Variants in WNT8A observed in about 807,000 individuals in gnomAD.
The protein encoded by WNT8A is Wnt family member 8A.
A neutral mutation model predicts 20.5 loss-of-function variants in WNT8A; 14 were observed. The observed-to-expected ratio is 0.68, with a 90% CI of 0.45 to 1.07. The LOEUF (loss-of-function observed/expected upper bound fraction) is 1.07. Ranked by LOEUF, WNT8A falls within the 50% of genes least tolerant of loss-of-function variation. The probability of loss-of-function intolerance (pLI) is 0.00; values close to 1 mark genes in which losing one functional copy is unlikely to be tolerated. For missense variants in WNT8A, 397 were observed against 462.9 expected, an observed-to-expected ratio of 0.86 and a Z score of 1.31; for synonymous variants, 167 against 169.2, an observed-to-expected ratio of 0.99 and a Z score of 0.10.
Position 138,090,665 on chromosome 5 carries a change from G to A in WNT8A, c.702G>A (p.Leu234=). The part of the protein sequence containing the change: ...DYLKAKYDQA[L]KIEMDKRQLR... ...TAAAGGCCAAGTATGACCAGGCGCT[G>A]AAAATTGAAATGGATAAGCGGCAGC... Residue 234 remains leucine (L), a synonymous_variant, in exon 5 of 5, where the codon CTG becomes CTA. Coordinates refer to ENST00000506684, the MANE Select transcript of WNT8A (RefSeq NM_001300939.2). 1.2e-6 allele frequency: 2 copies of A among 1,614,244 alleles called. No individual in the cohort carries two copies. Among genetic ancestry groups the A allele is most frequent in the Non-Finnish European group, 1.7e-6 (2 of 1,180,040 alleles).
chr5:138,089,439 C>A (rs1308503087), intron 4 of WNT8A, among the ~76,000 whole-genome samples: 2 of 152,132 alleles, frequency 1.3e-5, no homozygotes, highest in Non-Finnish European at 2.9e-5. Flanking sequence ...TGTTGTCCAG[C>A]CTTGTGTCCT....
chr5:138,091,312 A>C lies in WNT8A; in HGVS notation c.*239A>C. The C allele has an allele frequency of 6.6e-7, 1 of 1,523,258 alleles. No individual in the cohort carries two copies. The highest frequency in any genetic ancestry group is 8.8e-7 in the Non-Finnish European group (1 of 1,133,278). 94.4% of individuals were successfully genotyped at this position (1,523,258 alleles called of 1,614,324 possible). A position where few individuals can be genotyped will look rare whatever the true frequency, so the allele number is the denominator to read the frequency against. ...CAGACCCCCATTTCATCTTTCCTGCAAACTACTTTCCCATCTTTGTGCCTG... is the reference window on the plus strand; with the variant it reads ...CAGACCCCCATTTCATCTTTCCTGCCAACTACTTTCCCATCTTTGTGCCTG... On this transcript the variant is annotated 3_prime_UTR_variant, in exon 5 of 5. Transcript: ENST00000506684.
intron 2 of WNT8A, among the ~76,000 whole-genome samples, chr5:138,085,116 G>A (rs1750618151): frequency 6.6e-6 from 1 of 151,972 alleles, no homozygotes; most frequent in Non-Finnish European, 1.5e-5. Flanking sequence ...TGTATTTTTA[G>A]TAGAGATGGG....
chr5:138,080,446 T>TTTTTTG (rs1379766802), upstream of WNT8A, among the ~76,000 whole-genome samples: 1 of 93,158 alleles, frequency 1.1e-5, no homozygotes, highest in African/African-American at 4.1e-5. Flanking sequence ...TAAATCTTGT[T>TTTTTTG]TTTTTTTTTT....
At chr5:138,080,444 G>GTTTTTTTTTTTT (rs371833243), upstream of WNT8A, among the ~76,000 whole-genome samples, 42 of 55,988 alleles carry the variant, frequency 7.5e-4, 2 homozygotes, top group Admixed American at 1.5e-3. Context: ...TGTAAATCTT[G>GTTTTTTTTTTTT]TTTTTTTTTT....
At chr5:138,079,334 A>ATT (rs1750446526), upstream of WNT8A, among the ~76,000 whole-genome samples, 1 of 141,492 alleles carries the variant, frequency 7.1e-6, no homozygotes, top group Admixed American at 7.1e-5. Flanking sequence ...TTAATTATAT[A>ATT]ATAATTATAT....
intron 2 of WNT8A, 93 bp downstream of exon 2, chr5:138,084,729 G>A (rs1347931259): frequency 7.2e-7 from 1 of 1,395,532 alleles, no homozygotes; most frequent in Non-Finnish European, 9.4e-7. Flanking sequence ...GTATTGCACA[G>A]TGAAATAAAA....
At chr5:138,082,978 G>A (rs1339379033), upstream of WNT8A, among the ~76,000 whole-genome samples, 1 of 151,940 alleles carries the variant, frequency 6.6e-6, no homozygotes, top group Non-Finnish European at 1.5e-5. Flanking sequence ...TAACAAAGTA[G>A]TATCAGAAAG....
upstream of WNT8A, among the ~76,000 whole-genome samples, chr5:138,081,908 C>T (rs548015248): frequency 2.0e-5 from 3 of 152,186 alleles, no homozygotes; most frequent in East Asian, 5.8e-4. Flanking sequence ...GTTTGCAGAC[C>T]GACGCCAAGC....
chr5:138,091,682 T>C (rs1368574977), downstream of WNT8A: 1 of 432,116 alleles, frequency 2.3e-6, no homozygotes, highest in Admixed American at 3.9e-5. Flanking sequence ...AAAAATTAGC[T>C]AGGTGTGGTG....
At chr5:138,083,333 G>A (rs1055407786), upstream of WNT8A, among the ~76,000 whole-genome samples, 5 of 151,798 alleles carry the variant, frequency 3.3e-5, no homozygotes, top group African/African-American at 1.2e-4. Context: ...TATAACCCTG[G>A]GTGGCCCTAA....
Position 138,086,238 on chromosome 5 carries a change from G to T in WNT8A, c.296-1568G>T, listed in dbSNP as rs115891026. Among the ~76,000 whole-genome samples, 1,476 of 152,140 alleles carry T rather than the reference G, an allele frequency of 9.7e-3. 20 individuals carry two copies. The highest frequency in any genetic ancestry group is 0.034 in the African/African-American group (1,416 of 41,512). ...TCTTTCTTTCTTTATTTATTTTTGA[G>T]ACAGGGTTTCACTTTTTTACCCAAG... is the stretch of plus-strand genomic sequence containing the variant. On this transcript the variant is annotated intron_variant, in intron 2 of 4. Transcript: ENST00000506684.
upstream of WNT8A, among the ~76,000 whole-genome samples, chr5:138,080,330 A>C (rs184208641): frequency 2.0e-3 from 310 of 151,282 alleles, 2 homozygotes; most frequent in African/African-American, 6.6e-3. Context: ...AAAAAAAAAA[A>C]AAACAAAAAA....
chr5:138,089,058 G>A lies in WNT8A; in HGVS notation c.553G>A (p.Ala185Thr). ...RALMNLHNNR[A>T]GRLAVRATMK... ...CCTGATGAATCTTCACAACAACAGG[G>A]CCGGCAGACTGGTGGGTATAGGCAT... The change falls in exon 4 of 5, where the codon GCC (alanine) becomes ACC (threonine). Residue 185 changes from alanine to threonine, a missense_variant. Physicochemically the swap from Ala to Thr is moderately conservative, Grantham distance 58 (BLOSUM62 0). Transcript: ENST00000506684. The A allele has an allele frequency of 6.2e-7, 1 of 1,613,372 alleles. No homozygotes were observed. The highest frequency in any genetic ancestry group is 2.2e-5 in the East Asian group (1 of 44,884).
chr5:138,084,086 G>T lies in WNT8A; in HGVS notation c.-42G>T. The T allele has an allele frequency of 1.9e-6, 3 of 1,612,156 alleles. No individual in the cohort carries two copies. The highest frequency in any genetic ancestry group is 1.7e-6 in the Non-Finnish European group (2 of 1,178,642). ...GGACCTGGTCCACTGGGGTAGGCAG[G>T]GCGATGGGGAACCTGTTTATGCTCT... is the stretch of plus-strand genomic sequence containing the variant. On this transcript the variant is annotated 5_prime_UTR_variant, in exon 1 of 5. Transcript: ENST00000506684.
At chr5:138,087,626 C>G (rs1581359805) in intron 2 of WNT8A, among the ~76,000 whole-genome samples, 180 bp from the exon 3 acceptor site, 1 of 124,686 alleles carries the variant, frequency 8.0e-6, no homozygotes, top group Non-Finnish European at 1.6e-5. Context: ...CACTGCACTC[C>G]AGCCTGGTGA....
intron 3 of WNT8A, 83 bp from the exon 4 acceptor site, chr5:138,088,844 C>T: frequency 1.9e-6 from 3 of 1,555,792 alleles, no homozygotes; most frequent in African/African-American, 1.4e-5. Context: ...GCTTTACACT[C>T]TAGGGCTCTT....
upstream of WNT8A, among the ~76,000 whole-genome samples, chr5:138,080,450 T>TTG (rs763872418): frequency 7.5e-5 from 7 of 93,842 alleles, no homozygotes; most frequent in South Asian, 5.8e-4. Context: ...TCTTGTTTTT[T>TTG]TTTTTTTTTT....
chr5:138,083,423 T>A (rs1750560106), upstream of WNT8A, among the ~76,000 whole-genome samples: 1 of 152,042 alleles, frequency 6.6e-6, no homozygotes, highest in African/African-American at 2.4e-5. Context: ...TGCTAGGAAT[T>A]AAGGAAATTT....
Sources: allele counts gnomAD v4.1 joint callset (sites outside exome capture counted in the v4.1 genomes callset), GRCh38; gene constraint gnomAD v4.1.1; transcripts MANE v1.5; gene names NCBI Gene and HGNC (gene_info 2026-07-23, HGNC 2026-07-21).